The following CSMD1 variants were observed in gnomAD, a reference collection of about 807,000 sequenced individuals.
CSMD1 encodes CUB and sushi domain-containing protein 1.
CSMD1 carries 213 observed loss-of-function variants against 417.5 expected under a neutral mutation model. That is an observed-to-expected ratio of 0.51 (90% CI 0.46 to 0.57). CSMD1 has a LOEUF of 0.57. CSMD1 is among the 20% of genes least tolerant of loss of function. The pLI is 0.00. For synonymous variants in CSMD1, 2,862 were observed against 1,736.8 expected (o/e 1.65, Z -16.11); for missense variants, 6,923 against 4,529.7 (o/e 1.53, Z -15.17).
At chr8:3,592,523 T>C (rs1800895511) in intron 8 of CSMD1, among the ~76,000 whole-genome samples, 1 of 152,108 alleles carries the variant, frequency 6.6e-6, no homozygotes, top group South Asian at 2.1e-4. Flanking sequence ...TGGAGATGGA[T>C]GGCATGGGGG....
intron 1 of CSMD1, chr8:4,787,737 G>T (rs534565118): frequency 6.3e-7 from 1 of 1,589,142 alleles, no homozygotes; most frequent in African/African-American, 1.3e-5. Flanking sequence ...AGTGGTCTGA[G>T]GAACAGCTGA....
intron 3 of CSMD1, among the ~76,000 whole-genome samples, chr8:4,294,051 A>C (rs575634876): frequency 7.9e-5 from 12 of 152,324 alleles, no homozygotes; most frequent in African/African-American, 2.9e-4. Flanking sequence ...CGTGGTTCTC[A>C]AGTGACTATT....
chr8:4,480,412 G>A (rs182737259), intron 2 of CSMD1, among the ~76,000 whole-genome samples: 11 of 152,236 alleles, frequency 7.2e-5, no homozygotes, highest in African/African-American at 2.4e-4. Flanking sequence ...TGTAAAGCGC[G>A]TTAACATCCT....
chr8:4,552,573 T>A (rs1249704123), intron 2 of CSMD1, among the ~76,000 whole-genome samples: 2 of 152,078 alleles, frequency 1.3e-5, no homozygotes, highest in Middle Eastern at 3.2e-3. Context: ...ATCTTGGGCA[T>A]CCGGTTCTCC....
At chr8:4,040,122 A>G (rs1350444709) in intron 3 of CSMD1, among the ~76,000 whole-genome samples, 3 of 152,220 alleles carry the variant, frequency 2.0e-5, no homozygotes, top group African/African-American at 4.8e-5. Context: ...TTCAGAAACA[A>G]TATTTTTAAA....
chr8:4,389,656 A>G (rs1042593563), intron 3 of CSMD1, among the ~76,000 whole-genome samples: 1 of 152,146 alleles, frequency 6.6e-6, no homozygotes, highest in African/African-American at 2.4e-5. Flanking sequence ...TTCCCTCCCT[A>G]AACTCCACCT....
At chr8:4,479,920 G>T (rs1800997173) in intron 2 of CSMD1, among the ~76,000 whole-genome samples, 1 of 150,846 alleles carries the variant, frequency 6.6e-6, no homozygotes, top group Non-Finnish European at 1.5e-5. Flanking sequence ...GAGCCGAGAT[G>T]GAGCCACTGC....
intron 1 of CSMD1, among the ~76,000 whole-genome samples, chr8:4,797,151 C>G (rs1358776015): frequency 6.6e-6 from 1 of 152,158 alleles, no homozygotes; most frequent in African/African-American, 2.4e-5. Flanking sequence ...TGAGACAAAC[C>G]CAGGCAGCAG....
chr8:3,877,155 T>G (rs1163508642), intron 5 of CSMD1, among the ~76,000 whole-genome samples: 1 of 152,196 alleles, frequency 6.6e-6, no homozygotes, highest in East Asian at 1.9e-4. Context: ...CATCCCTTCC[T>G]CTACCTTTCC....
intron 6 of CSMD1, among the ~76,000 whole-genome samples, chr8:3,709,758 C>T (rs1484496546): frequency 7.5e-6 from 1 of 133,962 alleles, no homozygotes; most frequent in African/African-American, 2.9e-5. Flanking sequence ...CTTTCCTGGT[C>T]TCCAACTTGC....
In CSMD1 at chr8:3,059,878, C is replaced by A. The variant is rs117954808; in HGVS notation, c.7475-7231G>T. The stretch of plus-strand genomic sequence containing the variant: ...TAGACTGAGATGCTAATTTCTCAAA[C>A]GGGATTCACTTCAGGGCAAGTAGAT... On this transcript the variant is annotated intron_variant, in intron 49 of 69. Coordinates refer to ENST00000635120, the MANE Select transcript of CSMD1 (RefSeq NM_033225.6). Among the ~76,000 whole-genome samples the A allele has an allele frequency of 6.8e-3, 1,042 of 152,126 alleles. 6 individuals are homozygous for A. The highest frequency in any genetic ancestry group is 0.014 in the Middle Eastern group (4 of 294).
At chr8:3,047,264 T>G (rs1366306250) in intron 50 of CSMD1, among the ~76,000 whole-genome samples, 3 of 151,782 alleles carry the variant, frequency 2.0e-5, no homozygotes, top group African/African-American at 7.2e-5. Flanking sequence ...TCCTCCTATT[T>G]TGCCAGGCCA....
intron 25 of CSMD1, among the ~76,000 whole-genome samples, chr8:3,298,373 A>G (rs1416594971): frequency 6.6e-6 from 1 of 152,210 alleles, no homozygotes; most frequent in Non-Finnish European, 1.5e-5. Context: ...TAAATAAATT[A>G]TATCAGGAAA....
chr8:4,078,847 C>G (rs1585266422), intron 3 of CSMD1, among the ~76,000 whole-genome samples: 1 of 141,384 alleles, frequency 7.1e-6, no homozygotes, highest in African/African-American at 2.7e-5. Context: ...ATTATGTTGG[C>G]CAACGTAGTG....
At chr8:4,281,205 A>G (rs1796762992) in intron 3 of CSMD1, among the ~76,000 whole-genome samples, 1 of 152,178 alleles carries the variant, frequency 6.6e-6, no homozygotes, top group Non-Finnish European at 1.5e-5. Context: ...CTGGAAATAT[A>G]AAAGTGGAAA....
chr8:3,403,926 T>G (rs1321777097), intron 15 of CSMD1, among the ~76,000 whole-genome samples: 1 of 152,186 alleles, frequency 6.6e-6, no homozygotes. Context: ...ACAAATGAAA[T>G]TTCAGCTATT....
intron 2 of CSMD1, among the ~76,000 whole-genome samples, chr8:4,578,381 G>A (rs575215640): frequency 6.2e-4 from 77 of 124,424 alleles, no homozygotes; most frequent in African/African-American, 2.4e-3. Flanking sequence ...GGGTTTCACC[G>A]TGTTAGCCAG....
At chr8:4,729,231 G>A (rs1432070122) in intron 1 of CSMD1, among the ~76,000 whole-genome samples, 1 of 152,118 alleles carries the variant, frequency 6.6e-6, no homozygotes, top group Non-Finnish European at 1.5e-5. Flanking sequence ...CATTATCACA[G>A]AAAATTATGC....
At chr8:3,583,114 A>G (rs916008162) in intron 9 of CSMD1, among the ~76,000 whole-genome samples, 1 of 152,066 alleles carries the variant, frequency 6.6e-6, no homozygotes, top group African/African-American at 2.4e-5. Context: ...CCTCATCCCT[A>G]TCTTTCCTTC....
Sources: gnomAD v4.1 joint callset for allele counts (sites outside exome capture counted in the v4.1 genomes callset) on GRCh38, gnomAD v4.1.1 for gene constraint, MANE v1.5 for transcripts, NCBI Gene and HGNC (gene_info 2026-07-23, HGNC 2026-07-21) for gene names.